Variants in DYNC2H1 observed in about 807,000 individuals in gnomAD.
DYNC2H1 encodes the protein dynein cytoplasmic 2 heavy chain 1.
Under a neutral mutation model 570.0 loss-of-function variants are expected in DYNC2H1, and 410 were observed. That is an observed-to-expected ratio of 0.72 (90% confidence interval 0.66 to 0.78). The LOEUF is 0.78. Ranked by LOEUF, DYNC2H1 falls within the 30% of genes least tolerant of loss-of-function variation. DYNC2H1 has a pLI of 0.00. For missense variants in DYNC2H1, 4,865 were observed against 5,046.4 expected, an observed-to-expected ratio of 0.96 and a Z score of 1.09; for synonymous variants, 1,688 against 1,677.6, an observed-to-expected ratio of 1.01 and a Z score of -0.15.
chr11:103,152,158 C>G lies in DYNC2H1; in HGVS notation c.2969C>G (p.Ala990Gly), dbSNP rs1349337828. 1 of 1,596,510 alleles carries G rather than the reference C, an allele frequency of 6.3e-7. No individual in the cohort carries two copies. Among genetic ancestry groups the G allele is most frequent in the South Asian group, 1.1e-5 (1 of 88,222 alleles). ...TAGATTTTGCCCTTATTTCAAGAAG[C>G]TGAAGACAAAAACAGACTTTTACGA... ...KPEILPLFQE[A>G]EDKNRLLRTV... Residue 990 changes from alanine to glycine, a missense_variant, in exon 21 of 89, where the codon GCT becomes GGT. Transcript: ENST00000375735.
chr11:103,113,380 T>C (rs1391021192), intron 1 of DYNC2H1, among the ~76,000 whole-genome samples, 157 bp from the exon 2 acceptor site: 1 of 152,230 alleles, frequency 6.6e-6, no homozygotes, highest in African/African-American at 2.4e-5. Context: ...ACTGAAGTAT[T>C]CTTAAGGAAA....
At chr11:103,401,386 A>C (rs1397755012) in intron 84 of DYNC2H1, among the ~76,000 whole-genome samples, 1 of 152,186 alleles carries the variant, frequency 6.6e-6, no homozygotes, top group Non-Finnish European at 1.5e-5. Flanking sequence ...ATAATATAGG[A>C]AGATGACATG....
chr11:103,230,499 C>A (rs1863963984), intron 59 of DYNC2H1, among the ~76,000 whole-genome samples: 1 of 152,192 alleles, frequency 6.6e-6, no homozygotes, highest in Non-Finnish European at 1.5e-5. Context: ...ATAAGCTAGA[C>A]TTGCAGCATT....
chr11:103,138,262 A>G (rs1859685835), intron 17 of DYNC2H1, among the ~76,000 whole-genome samples: 1 of 151,878 alleles, frequency 6.6e-6, no homozygotes, highest in South Asian at 2.1e-4. Context: ...TTCCAACACT[A>G]TGTTGAATAG....
chr11:103,165,924 A>G lies in DYNC2H1; in HGVS notation c.4638A>G (p.Lys1546=), dbSNP rs1861286300. The part of the protein sequence containing the change: ...SQILCLAEQI[K]FTEDVENAIK... The stretch of plus-strand genomic sequence containing the variant: ...TTTTATGCTTGGCGGAGCAGATTAA[A>G]TTCACTGAAGATGTAGAAAATGCTA... The change falls in exon 31 of 89, where the codon AAA becomes AAG. Residue 1546 remains lysine, a synonymous_variant. Coordinates refer to ENST00000375735, the MANE Select transcript of DYNC2H1 (RefSeq NM_001377.3). 1.3e-6 allele frequency: 2 copies of G among 1,512,926 alleles called. No homozygotes were observed. The highest frequency in any genetic ancestry group is 1.8e-6 in the Non-Finnish European group (2 of 1,131,084). 93.7% of individuals were successfully genotyped at this position (1,512,926 alleles called of 1,614,324 possible).
intron 13 of DYNC2H1, among the ~76,000 whole-genome samples, chr11:103,131,333 G>A (rs777135805): frequency 4.0e-5 from 6 of 151,394 alleles, no homozygotes; most frequent in Non-Finnish European, 7.4e-5. Flanking sequence ...TAGCTCTGTC[G>A]CCCAGGCTGG....
intron 12 of DYNC2H1, among the ~76,000 whole-genome samples, chr11:103,127,473 C>G (rs910778307): frequency 1.3e-5 from 2 of 152,038 alleles, no homozygotes; most frequent in Non-Finnish European, 2.9e-5. Flanking sequence ...TTTTGTGGTA[C>G]AGAATAAGTA....
Position 103,283,196 on chromosome 11 carries a change from G to A in DYNC2H1, c.10890+111G>A, listed in dbSNP as rs542267795. 78 of 734,684 alleles carry A rather than the reference G, an allele frequency of 1.1e-4. 1 individual carries two copies. The South Asian group carries it at 1.9e-3, about 18-fold the overall frequency. The allele number at this position is 734,684 out of a possible 1,614,324, so 45.5% of individuals were successfully genotyped here. Reference sequence around the variant, plus strand: ...TCAGTGTTAACATTTTTAATAGGATGTAAGTTCCCCCAGTAAAAAGTTACC... The same window carrying A: ...TCAGTGTTAACATTTTTAATAGGATATAAGTTCCCCCAGTAAAAAGTTACC... On this transcript the variant is annotated intron_variant, in intron 73 of 88. Transcript: ENST00000375735.
At chr11:103,115,877 G>A (rs369474040) in intron 4 of DYNC2H1, among the ~76,000 whole-genome samples, 54 of 152,246 alleles carry the variant, frequency 3.5e-4, no homozygotes, top group African/African-American at 1.3e-3. Flanking sequence ...CCATGCACAG[G>A]TAATACGTTC....
chr11:103,211,923 A>G lies in DYNC2H1; in HGVS notation c.8674A>G (p.Lys2892Glu). The G allele has an allele frequency of 6.5e-7, 1 of 1,532,892 alleles. No individual in the cohort carries two copies. Among genetic ancestry groups the G allele is most frequent in the Non-Finnish European group, 8.8e-7 (1 of 1,138,652 alleles). 95.0% of individuals were successfully genotyped at this position (1,532,892 alleles called of 1,614,324 possible). The change falls in exon 54 of 89, where the codon AAA becomes GAA. Residue 2892 changes from lysine (K) to glutamate (E), a missense_variant. Physicochemically the swap from Lys to Glu is moderately conservative, Grantham distance 56. Transcript: ENST00000375735. ...ISSSKKKELLKRQSHLQAGVS... is the reference protein window; with the variant it reads ...ISSSKKKELLERQSHLQAGVS... ...TAGTAGCAAGAAAAAGGAATTATTA[A>G]AAAGACAAAGTCATTTGCAGGTATA...
At chr11:103,112,962 A>C (rs1279375994) in intron 1 of DYNC2H1, among the ~76,000 whole-genome samples, 2 of 152,344 alleles carry the variant, frequency 1.3e-5, no homozygotes, top group East Asian at 3.9e-4. Context: ...AATTTAACAA[A>C]GTTTTATGCT....
intron 70 of DYNC2H1, among the ~76,000 whole-genome samples, chr11:103,276,480 GC>G (rs1411592102): frequency 6.6e-5 from 10 of 151,804 alleles, no homozygotes; most frequent in Non-Finnish European, 1.5e-4. Context: ...TTAATAGATG[GC>G]TTCTTTTTGT....
chr11:103,167,208 T>C (rs1278700592), intron 31 of DYNC2H1, among the ~76,000 whole-genome samples: 1 of 151,956 alleles, frequency 6.6e-6, no homozygotes, highest in African/African-American at 2.4e-5. Flanking sequence ...GTTTCAAAAG[T>C]CTTCACCTTT....
At chr11:103,412,225 G>A (rs1478954102) in intron 84 of DYNC2H1, among the ~76,000 whole-genome samples, 1 of 152,090 alleles carries the variant, frequency 6.6e-6, no homozygotes, top group Non-Finnish European at 1.5e-5. Context: ...CTTTAGGAAA[G>A]AGTTCAGTAC....
intron 1 of DYNC2H1, among the ~76,000 whole-genome samples, chr11:103,109,990 C>A (rs920468062): frequency 6.6e-6 from 1 of 152,186 alleles, no homozygotes; most frequent in Non-Finnish European, 1.5e-5. Flanking sequence ...AAGCATGTTT[C>A]CCTTCCATAC....
At position 103,135,860 on chromosome 11, in the gene DYNC2H1, T is replaced by C. The variant is rs1406144895; in HGVS notation, c.2486T>C (p.Ile829Thr). 2 of 1,613,150 alleles carry C rather than the reference T, an allele frequency of 1.2e-6. No individual in the cohort carries two copies. Among genetic ancestry groups the C allele is most frequent in the East Asian group, 2.2e-5 (1 of 44,854 alleles). Reference protein sequence around the residue: ...AGDESIFSIMIDRNASGFLTI... With the variant: ...AGDESIFSIMTDRNASGFLTI... ...GATGAATCTATTTTTTCTATTATGATTGATAGAAATGCAAGTGGATTTTTG... is the reference window on the plus strand; with the variant it reads ...GATGAATCTATTTTTTCTATTATGACTGATAGAAATGCAAGTGGATTTTTG... Residue 829 changes from isoleucine to threonine, a missense_variant, in exon 17 of 89, where the codon ATT becomes ACT. Physicochemically the swap from Ile to Thr is moderately conservative, Grantham distance 89 (BLOSUM62 -1). Around this residue, in one of 5 missense-constraint regions of DYNC2H1, gnomAD observed 1,936 missense variants for 1,962.1 expected, o/e 0.99. Coordinates refer to ENST00000375735, the MANE Select transcript of DYNC2H1 (RefSeq NM_001377.3).
rs1292520685 is a variant in DYNC2H1 at position 103,302,040 on chromosome 11, AAATATATT to A, written c.11096-1048_11096-1041del. 5.9e-5 allele frequency among the ~76,000 whole-genome samples: 9 copies of A among 152,136 alleles called. No individual in the cohort carries two copies. In the East Asian group the frequency reaches 1.5e-3, roughly 26 times the overall value. On this transcript the variant is annotated intron_variant, in intron 75 of 88. Transcript: ENST00000375735. ...GAGCCTTTTCAGTTTGGCCTTTATG[AAATATATT>A]AATAATGGAAACTTTCAAGTTTTAG...
At chr11:103,384,722 G>C (rs189895802) in intron 83 of DYNC2H1, among the ~76,000 whole-genome samples, 7 of 152,130 alleles carry the variant, frequency 4.6e-5, no homozygotes, top group African/African-American at 1.7e-4. Context: ...ATGCAGTTAT[G>C]ATTTTATATT....
intron 65 of DYNC2H1, among the ~76,000 whole-genome samples, chr11:103,248,715 C>A (rs1283612235): frequency 6.6e-6 from 1 of 152,132 alleles, no homozygotes; most frequent in Admixed American, 6.6e-5. Flanking sequence ...TAATACATTT[C>A]TTTCAGCTGT....
Sources: gnomAD v4.1 joint callset for allele counts (sites outside exome capture counted in the v4.1 genomes callset) on GRCh38, gnomAD v4.1.1 for gene constraint, gnomAD v4.1.1 regional missense constraint, MANE v1.5 for transcripts, NCBI Gene and HGNC (gene_info 2026-07-23, HGNC 2026-07-21) for gene names.